ERBB4: variants seen among roughly 807,000 people sequenced by gnomAD.
ERBB4 encodes the protein receptor tyrosine-protein kinase erbB-4.
In ERBB4, 42 loss-of-function variants were observed where a neutral mutation model predicts 158.0. That is an observed-to-expected ratio of 0.27 (90% CI 0.21 to 0.34). The LOEUF is 0.34. Ranked by LOEUF, ERBB4 falls within the 10% of genes least tolerant of loss-of-function variation. The pLI is 1.00. For synonymous variants in ERBB4, 583 were observed against 558.7 expected, an observed-to-expected ratio of 1.04 and a Z score of -0.61; for missense variants, 1,333 against 1,624.1, an observed-to-expected ratio of 0.82 and a Z score of 3.08.
chr2:212,055,585 AG>A (rs2077536621), intron 2 of ERBB4, among the ~76,000 whole-genome samples: 1 of 152,224 alleles, frequency 6.6e-6, no homozygotes, highest in Admixed American at 6.5e-5. Context: ...TGAAGCTTCC[AG>A]GGGAACAATC....
intron 2 of ERBB4, among the ~76,000 whole-genome samples, chr2:212,041,570 G>A (rs1411724561): frequency 2.0e-5 from 3 of 150,084 alleles, no homozygotes; most frequent in African/African-American, 7.4e-5. Flanking sequence ...AGAAATAGTA[G>A]CAATATGGAT....
chr2:211,662,630 A>G (rs941885546), intron 15 of ERBB4, among the ~76,000 whole-genome samples: 1 of 152,214 alleles, frequency 6.6e-6, no homozygotes, highest in African/African-American at 2.4e-5. Context: ...CAAGGTAAGA[A>G]GAGACAAACT....
At chr2:211,549,225 A>G (rs76981643) in intron 20 of ERBB4, among the ~76,000 whole-genome samples, 133 of 152,266 alleles carry the variant, frequency 8.7e-4, no homozygotes, top group African/African-American at 3.0e-3. Context: ...GCACCCAGAA[A>G]ATAAGTCTCA....
intron 16 of ERBB4, among the ~76,000 whole-genome samples, chr2:211,647,493 G>A (rs1221572154): frequency 1.3e-5 from 2 of 151,414 alleles, no homozygotes; most frequent in African/African-American, 4.8e-5. Context: ...CTAAACACAG[G>A]ATGACTAATT....
intron 20 of ERBB4, among the ~76,000 whole-genome samples, chr2:211,532,664 G>T (rs1422894198): frequency 1.3e-5 from 2 of 151,878 alleles, no homozygotes; most frequent in South Asian, 4.1e-4. Context: ...AGACAATTTT[G>T]TGTGCCAGCT....
At chr2:212,029,039 G>T (rs2076840849) in intron 2 of ERBB4, among the ~76,000 whole-genome samples, 1 of 152,026 alleles carries the variant, frequency 6.6e-6, no homozygotes, top group Admixed American at 6.6e-5. Flanking sequence ...CATTGCCATG[G>T]TAACACCCGG....
chr2:212,350,810 T>TA (rs35884250), intron 1 of ERBB4, among the ~76,000 whole-genome samples: 109,754 of 151,626 alleles, frequency 0.72, 41,462 homozygotes, highest in Middle Eastern at 0.84. Context: ...TGTAAAATAA[T>TA]AAAAAAAATG....
intron 1 of ERBB4, among the ~76,000 whole-genome samples, chr2:212,365,841 T>A: frequency 6.6e-6 from 1 of 151,982 alleles, no homozygotes; most frequent in East Asian, 1.9e-4. Context: ...AAGTACATAC[T>A]GAGGAGAACA....
chr2:211,974,242 T>A (rs535995611), intron 2 of ERBB4, among the ~76,000 whole-genome samples: 15 of 152,208 alleles, frequency 9.9e-5, no homozygotes, highest in South Asian at 2.1e-4. Context: ...GCTTTTTTTT[T>A]AAATCATAAA....
intron 1 of ERBB4, among the ~76,000 whole-genome samples, chr2:212,369,689 T>C (rs1009563251): frequency 6.6e-6 from 1 of 152,040 alleles, no homozygotes; most frequent in African/African-American, 2.4e-5. Context: ...TGTAAAGTAA[T>C]ACACTACCTT....
At chr2:211,766,607 T>C (rs542810160) in intron 4 of ERBB4, among the ~76,000 whole-genome samples, 174 of 152,326 alleles carry the variant, frequency 1.1e-3, no homozygotes, top group African/African-American at 3.8e-3. Context: ...ATTGTGAAAC[T>C]GAATTCTATG....
At chr2:211,830,216 C>G (rs1007265598) in intron 3 of ERBB4, among the ~76,000 whole-genome samples, 1 of 152,080 alleles carries the variant, frequency 6.6e-6, no homozygotes, top group Non-Finnish European at 1.5e-5. Flanking sequence ...AAACAAGTAC[C>G]CTTTGAGTGG....
At chr2:211,741,769 T>C (rs773350351) in intron 5 of ERBB4, among the ~76,000 whole-genome samples, 7 of 152,266 alleles carry the variant, frequency 4.6e-5, no homozygotes, top group Middle Eastern at 3.4e-3. Flanking sequence ...ATATACAGAG[T>C]ATTTTAAATA....
Position 211,383,901 on chromosome 2 carries a change from T to C in ERBB4, c.3641A>G (p.Asn1214Ser). 1 of 1,614,058 alleles carries C rather than the reference T, an allele frequency of 6.2e-7. No individual in the cohort carries two copies. Among genetic ancestry groups the C allele is most frequent in the Non-Finnish European group, 8.5e-7 (1 of 1,180,010 alleles). Residue 1214 changes from asparagine to serine, a missense_variant, in exon 28 of 28, where the codon AAC (asparagine) becomes AGC (serine). By Grantham distance (46) the Asn-to-Ser change is conservative. Coordinates refer to ENST00000342788, the MANE Select transcript of ERBB4 (RefSeq NM_005235.3). Reference protein sequence around the residue: ...NEPLYLNTFANTLGKAEYLKN... With the variant: ...NEPLYLNTFASTLGKAEYLKN... ...CAGGTACTCAGCTTTTCCCAAGGTG[T>C]TGGCAAAGGTGTTGAGGTACAGTGG...
intron 1 of ERBB4, among the ~76,000 whole-genome samples, chr2:212,383,963 A>G (rs1213175248): frequency 6.6e-6 from 1 of 151,674 alleles, no homozygotes; most frequent in Non-Finnish European, 1.5e-5. Context: ...CATTTGTTCA[A>G]TTAAATTGCT....
At chr2:211,821,958 G>A (rs1283310390) in intron 3 of ERBB4, among the ~76,000 whole-genome samples, 1 of 151,892 alleles carries the variant, frequency 6.6e-6, no homozygotes, top group African/African-American at 2.4e-5. Context: ...AAGATTTTAT[G>A]AATAAGACCC....
chr2:211,582,886 G>C (rs772829462), intron 19 of ERBB4, among the ~76,000 whole-genome samples: 1 of 152,074 alleles, frequency 6.6e-6, no homozygotes, highest in Non-Finnish European at 1.5e-5. Context: ...TGATTTTTAA[G>C]TGCAAACTAG....
chr2:212,091,417 T>A (rs1412265530), intron 2 of ERBB4, among the ~76,000 whole-genome samples: 1 of 152,206 alleles, frequency 6.6e-6, no homozygotes, highest in Non-Finnish European at 1.5e-5. Flanking sequence ...CCTACTTCAC[T>A]GACTTTTCCT....
At chr2:211,461,086 A>G (rs201501272) in intron 20 of ERBB4, among the ~76,000 whole-genome samples, 19 of 45,718 alleles carry the variant, frequency 4.2e-4, no homozygotes, top group Admixed American at 5.4e-4. Flanking sequence ...AGATTGGGGG[A>G]AAAAAAAAAA....
Sources: allele counts gnomAD v4.1 joint callset (sites outside exome capture counted in the v4.1 genomes callset), GRCh38; gene constraint gnomAD v4.1.1; transcripts MANE v1.5; gene names NCBI Gene and HGNC (gene_info 2026-07-23, HGNC 2026-07-21).